The following KLC2 variants were observed in gnomAD, a reference collection of about 807,000 sequenced individuals.
The protein encoded by KLC2 is KLC 2.
A neutral mutation model predicts 75.1 loss-of-function variants in KLC2; 35 were observed. The observed-to-expected ratio is 0.47, with a 90% confidence interval of 0.36 to 0.62. The LOEUF is 0.62. Among genes scored for constraint, KLC2 ranks in the 20% least tolerant of loss-of-function variants. The pLI is 0.00. For missense variants in KLC2, 611 were observed against 833.2 expected (o/e 0.73, Z 3.28); for synonymous variants, 314 against 336.7 (o/e 0.93, Z 0.74).
In KLC2 at chr11:66,265,840, T is replaced by G. The variant is rs758901996; in HGVS notation, c.1444-14T>G. The G allele has an allele frequency of 6.3e-7, 1 of 1,579,924 alleles. No individual in the cohort carries two copies. The highest frequency in any genetic ancestry group is 8.6e-7 in the Non-Finnish European group (1 of 1,158,530). On this transcript the variant is annotated splice_polypyrimidine_tract_variant and intron_variant, in intron 12 of 15. Coordinates refer to ENST00000394067, the MANE Select transcript of KLC2 (RefSeq NM_001318734.2). ...TGGTCCATTCACTGCCTGATGCCCC[T>G]GCCCCTCCCTCAGGGTTTGGACCCC...
the KLC2 span, among the ~76,000 whole-genome samples, chr11:66,250,159 A>G: frequency 0.047 from 7,085 of 151,944 alleles, 231 homozygotes; most frequent in Non-Finnish European, 0.068. Context: ...GCCTTCCCCA[A>G]CCACCCCACC....
chr11:66,259,812 C>G (rs1406345782), intron 2 of KLC2: 2 of 152,174 alleles, frequency 1.3e-5, no homozygotes, highest in Non-Finnish European at 2.9e-5. Context: ...GGGACCAGTT[C>G]TGGATGTTCT....
At position 66,266,440 on chromosome 11, in the gene KLC2, C is replaced by A; in HGVS notation, c.1735C>A (p.Arg579=). The A allele has an allele frequency of 6.2e-7, 1 of 1,607,732 alleles. No homozygotes were observed. Among genetic ancestry groups the A allele is most frequent in the Non-Finnish European group, 8.5e-7 (1 of 1,175,906 alleles). Residue 579 remains arginine (R), a synonymous_variant, in exon 15 of 16, where the codon CGG becomes AGG. Coordinates refer to ENST00000394067, the MANE Select transcript of KLC2 (RefSeq NM_001318734.2). ...PQEPPNPRMK[R]ASSLNFLNKS... is the part of the protein sequence containing the mutation. ...GCTGTCCTTTTCCCTCAGGATGAAG[C>A]GGGCCAGTTCCCTCAACTTCCTCAA...
At chr11:66,252,506 C>G (rs1253521129), upstream of KLC2, among the ~76,000 whole-genome samples, 2 of 152,098 alleles carry the variant, frequency 1.3e-5, no homozygotes, top group East Asian at 1.9e-4. Context: ...CTCGTGATCC[C>G]CCCGCCTCGG....
upstream of KLC2, among the ~76,000 whole-genome samples, chr11:66,255,736 C>T (rs565473993): frequency 7.9e-5 from 12 of 151,396 alleles, no homozygotes; most frequent in East Asian, 2.1e-3. Context: ...AACTACATTT[C>T]ATTGTAACTT....
chr11:66,262,453 A>G, intron 4 of KLC2: 1 of 559,162 alleles, frequency 1.8e-6, no homozygotes, highest in East Asian at 3.0e-5. Context: ...CCCTTGGGAG[A>G]GTTCTCTTCC....
rs1856176864 is a variant in KLC2, at chr11:66,258,635, A to C, written c.41A>C (p.Gln14Pro). The change falls in exon 2 of 16, where the codon CAG (glutamine) becomes CCG (proline). Residue 14 changes from glutamine (Q) to proline (P), a missense_variant. Coordinates refer to ENST00000394067, the MANE Select transcript of KLC2 (RefSeq NM_001318734.2). Reference sequence around the variant, plus strand: ...TTTCCGCGGGAGGAGAAGCTGAGCCAGGATGAGATCGTGCTGGGCACCAAG... The same window carrying C: ...TTTCCGCGGGAGGAGAAGCTGAGCCCGGATGAGATCGTGCTGGGCACCAAG... ...MVFPREEKLS[Q>P]DEIVLGTKAV... is the part of the protein sequence containing the mutation. The C allele has an allele frequency of 6.2e-7, 1 of 1,613,834 alleles. No individual in the cohort carries two copies. The highest frequency in any genetic ancestry group is 1.7e-5 in the Admixed American group (1 of 60,000).
intron 2 of KLC2, among the ~76,000 whole-genome samples, chr11:66,259,232 G>A (rs1013379832): frequency 1.3e-5 from 2 of 152,238 alleles, no homozygotes; most frequent in African/African-American, 4.8e-5. Flanking sequence ...TGCCCTATTA[G>A]AGACAAAAAC....
Position 66,265,741 on chromosome 11 carries a change from G to C in KLC2, c.1421G>C (p.Cys474Ser). The change falls in exon 12 of 16, where the codon TGT (cysteine) becomes TCT (serine). Residue 474 changes from cysteine to serine, a missense_variant. By Grantham distance (112) the Cys-to-Ser change is moderately radical. Coordinates refer to ENST00000394067, the MANE Select transcript of KLC2 (RefSeq NM_001318734.2). ...GAAGCCGCGCACACACTAGAGGACT[G>C]TGCCAGCCGTAACCGCAAGCAGGTG... is the stretch of plus-strand genomic sequence containing the variant. ...KLEAAHTLED[C>S]ASRNRKQGLD... The C allele has an allele frequency of 6.2e-7, 1 of 1,613,558 alleles. No individual in the cohort carries two copies. Among genetic ancestry groups the C allele is most frequent in the East Asian group, 2.2e-5 (1 of 44,888 alleles).
chr11:66,262,788 C>G (rs1856526436), intron 4 of KLC2, 26 bp from the exon 5 acceptor site: 1 of 1,555,980 alleles, frequency 6.4e-7, no homozygotes, highest in Admixed American at 1.7e-5. Context: ...GATGGTACAT[C>G]TGACCTCCTG....
chr11:66,254,664 T>TAAA (rs34541214), upstream of KLC2, among the ~76,000 whole-genome samples: 172 of 107,832 alleles, frequency 1.6e-3, 1 homozygote, highest in African/African-American at 2.5e-3. Flanking sequence ...CCTCGGCTCT[T>TAAA]AAAAAAAAAA....
At chr11:66,262,089 C>T (rs756690945) in intron 3 of KLC2, 34 bp from the exon 4 acceptor site, 1 of 1,608,204 alleles carries the variant, frequency 6.2e-7, no homozygotes, top group Non-Finnish European at 8.5e-7. Context: ...CCCTGTGCCT[C>T]CTTCCCTGAT....
chr11:66,262,026 G>A lies in KLC2; in HGVS notation c.459+54G>A, dbSNP rs1856467445. 3 of 1,589,432 alleles carry A rather than the reference G, an allele frequency of 1.9e-6. No individual in the cohort carries two copies. The East Asian group carries it at 6.7e-5, about 36-fold the overall frequency. ...CAGCAAGGAGGCCTGGGAGCAGGGA[G>A]GGGCAGCATGGAGCAGATTCGGCTC... On this transcript the variant is annotated intron_variant, in intron 3 of 15. Transcript: ENST00000394067.
In KLC2 at chr11:66,267,092, T is replaced by TTC; in HGVS notation, c.*139_*140dup. The TTC allele has an allele frequency of 3.5e-5, 54 of 1,534,980 alleles. No individual in the cohort carries two copies. Among genetic ancestry groups the TTC allele is most frequent in the Non-Finnish European group, 4.6e-5 (52 of 1,138,266 alleles). On this transcript the variant is annotated 3_prime_UTR_variant, in exon 16 of 16. Transcript: ENST00000394067. ...TTTTCTGTTCAATCTCAGGGTAACC[T>TTC]TCTCCCTTGTCATCTCAGCCTGAGC...
At position 66,264,965 on chromosome 11, in the gene KLC2, A is replaced by C. The variant is rs371256031; in HGVS notation, c.1217-58A>C. 62 of 1,574,284 alleles carry C rather than the reference A, an allele frequency of 3.9e-5. No individual in the cohort carries two copies. In the African/African-American group the frequency reaches 6.2e-4, roughly 16 times the overall value. On this transcript the variant is annotated intron_variant, in intron 9 of 15. Coordinates refer to ENST00000394067, the MANE Select transcript of KLC2 (RefSeq NM_001318734.2). ...CTCCCCTGACCCCAGTCCTGTGTCCAGCCCAACCAGGTGAGACCTATATGG... is the reference window on the plus strand; with the variant it reads ...CTCCCCTGACCCCAGTCCTGTGTCCCGCCCAACCAGGTGAGACCTATATGG...
In KLC2 at chr11:66,264,412, G is replaced by A. The variant is rs755415117; in HGVS notation, c.1184G>A (p.Arg395His). 14 of 1,613,454 alleles carry A rather than the reference G, an allele frequency of 8.7e-6. No individual in the cohort carries two copies. Among genetic ancestry groups the A allele is most frequent in the East Asian group, 6.7e-5 (3 of 44,892 alleles). ...AETLYKEILT[R>H]AHEKEFGSVN... ...ACCTTGTACAAGGAGATCCTCACCC[G>A]CGCTCATGAGAAAGAGTTTGGCTCT... The change falls in exon 9 of 16, where the codon CGC becomes CAC. Residue 395 changes from arginine to histidine, a missense_variant. Coordinates refer to ENST00000394067, the MANE Select transcript of KLC2 (RefSeq NM_001318734.2).
At chr11:66,252,697 C>T (rs1185927706), upstream of KLC2, among the ~76,000 whole-genome samples, 2 of 152,166 alleles carry the variant, frequency 1.3e-5, no homozygotes, top group Non-Finnish European at 2.9e-5. Context: ...TGGAGAAACG[C>T]GGCTTTGAAC....
upstream of KLC2, among the ~76,000 whole-genome samples, chr11:66,254,848 C>T (rs1370569114): frequency 2.0e-5 from 3 of 151,742 alleles, no homozygotes; most frequent in East Asian, 5.8e-4. Context: ...TCGCTTGAAC[C>T]CAGGAGGCAG....
intron 14 of KLC2, 27 bp downstream of exon 14, chr11:66,266,244 A>G (rs1399644283): frequency 6.3e-7 from 1 of 1,580,596 alleles, no homozygotes; most frequent in Non-Finnish European, 8.6e-7. Flanking sequence ...GGTGAGCCTC[A>G]AGAACCACCC....
Sources: gnomAD v4.1 joint callset for allele counts (sites outside exome capture counted in the v4.1 genomes callset) on GRCh38, gnomAD v4.1.1 for gene constraint, MANE v1.5 for transcripts, NCBI Gene and HGNC (gene_info 2026-07-23, HGNC 2026-07-21) for gene names.